The following KCND3 variants were observed in gnomAD, a reference collection of about 807,000 sequenced individuals.
KCND3 encodes potassium voltage-gated channel subfamily D member 3.
KCND3 carries 9 observed loss-of-function variants against 51.1 expected under a neutral mutation model. The ratio of observed to expected loss-of-function variants is 0.18; its 90% CI spans 0.11 to 0.31. The LOEUF (loss-of-function observed/expected upper bound fraction) is 0.31, where lower values mean the gene tolerates loss of function less well. Ranked by LOEUF, KCND3 falls within the 10% of genes least tolerant of loss-of-function variation. The probability of loss-of-function intolerance (pLI) is 1.00; values close to 1 mark genes in which losing one functional copy is unlikely to be tolerated. For synonymous variants in KCND3, 349 were observed against 368.0 expected, an observed-to-expected ratio of 0.95 and a Z score of 0.59; for missense variants, 526 against 903.8, an observed-to-expected ratio of 0.58 and a Z score of 5.36.
intron 2 of KCND3, among the ~76,000 whole-genome samples, chr1:111,940,111 G>T (rs2101883635): frequency 1.6e-5 from 1 of 61,690 alleles, no homozygotes; most frequent in South Asian, 5.3e-4. Context: ...GTTCCTTGTA[G>T]ATTCTGGATA....
chr1:111,786,716 A>G (rs1020653880), intron 3 of KCND3, among the ~76,000 whole-genome samples: 2 of 152,150 alleles, frequency 1.3e-5, no homozygotes, highest in Admixed American at 6.5e-5. Context: ...AAAAATGTCC[A>G]AAGGGGGATA....
intron 2 of KCND3, among the ~76,000 whole-genome samples, chr1:111,876,171 T>A (rs959166854): frequency 1.4e-4 from 22 of 152,260 alleles, no homozygotes; most frequent in African/African-American, 5.3e-4. Flanking sequence ...AGTGAACCAG[T>A]TGCCTATTCC....
At chr1:111,799,895 T>G (rs1665217783) in intron 2 of KCND3, among the ~76,000 whole-genome samples, 1 of 152,218 alleles carries the variant, frequency 6.6e-6, no homozygotes. Flanking sequence ...ACCGGTCTCC[T>G]GTCAATAGGA....
chr1:111,940,073 GTTTTTTTTT>G (rs61088602), intron 2 of KCND3, among the ~76,000 whole-genome samples: 3,614 of 85,614 alleles, frequency 0.042, 225 homozygotes, highest in East Asian at 0.36. Flanking sequence ...CTTTTTGATG[GTTTTTTTTT>G]TTTTTTTTTT....
At chr1:111,803,656 C>T (rs72980131) in intron 2 of KCND3, among the ~76,000 whole-genome samples, 5,460 of 152,158 alleles carry the variant, frequency 0.036, 187 homozygotes, top group African/African-American at 0.084. Context: ...TGAAAGGACA[C>T]GTATGTGGAC....
intron 2 of KCND3, among the ~76,000 whole-genome samples, chr1:111,958,931 G>C (rs967596081): frequency 6.6e-6 from 1 of 152,218 alleles, no homozygotes; most frequent in African/African-American, 2.4e-5. Context: ...ATGTTCTCCA[G>C]CTCTGCCATT....
rs2101441533 is a variant in KCND3, at chr1:111,773,114, A to G, written c.*2963T>C. ...CTAAGGCTACAGTGGAGGATGGAGG[A>G]AAAGGGGATGGTCTAATGGTCTTTT... On this transcript the variant is annotated 3_prime_UTR_variant, in exon 8 of 8. Coordinates refer to ENST00000302127, the MANE Select transcript of KCND3 (RefSeq NM_001378969.1). 1 of 152,284 alleles carries G rather than the reference A, an allele frequency of 6.6e-6. No individual in the cohort carries two copies. The highest frequency in any genetic ancestry group is 1.5e-5 in the Non-Finnish European group (1 of 68,040). The allele number at this position is 152,284 out of a possible 1,614,324, so 9.4% of individuals were successfully genotyped here. A position where few individuals can be genotyped will look rare whatever the true frequency, so the allele number is the denominator to read the frequency against.
At chr1:111,933,834 C>T (rs986665127) in intron 2 of KCND3, among the ~76,000 whole-genome samples, 3 of 152,236 alleles carry the variant, frequency 2.0e-5, no homozygotes, top group Non-Finnish European at 4.4e-5. Context: ...GTTTATCAGT[C>T]ATGGCACAAA....
rs1675026966 is a variant in KCND3, at chr1:111,982,684, C to T, written c.43G>A (p.Ala15Thr). 1.2e-6 allele frequency: 2 copies of T among 1,610,012 alleles called. No homozygotes were observed. The highest frequency in any genetic ancestry group is 1.7e-6 in the Non-Finnish European group (2 of 1,179,728). Residue 15 changes from alanine (A) to threonine (T), a missense_variant, in exon 2 of 8, where the codon GCG becomes ACG. Ala to Thr is a moderately conservative substitution (Grantham distance 58, BLOSUM62 0). Around this residue, in one of 5 missense-constraint regions of KCND3, gnomAD observed 159 missense variants for 262.8 expected, o/e 0.61. Coordinates refer to ENST00000302127, the MANE Select transcript of KCND3 (RefSeq NM_001378969.1). This position sits in a 1 kb window ranked among gnomAD's most constrained non-coding sequence, Gnocchi z 8.5. ...GCCACCGGCATCCACCCGATGGCCGCAGCCCGGGCAAAAGGCAGCCAGGCC... is the reference window on the plus strand; with the variant it reads ...GCCACCGGCATCCACCCGATGGCCGTAGCCCGGGCAAAAGGCAGCCAGGCC... ...VAAWLPFARAAAIGWMPVANC... is the reference protein window; with the variant it reads ...VAAWLPFARATAIGWMPVANC...
At chr1:111,956,202 A>G (rs1223621430) in intron 2 of KCND3, among the ~76,000 whole-genome samples, 1 of 152,062 alleles carries the variant, frequency 6.6e-6, no homozygotes, top group Non-Finnish European at 1.5e-5. Flanking sequence ...GGGAGGCTGC[A>G]CTTGAGCTGA....
intron 2 of KCND3, among the ~76,000 whole-genome samples, chr1:111,974,342 T>G (rs189478888): frequency 4.2e-4 from 63 of 151,414 alleles, no homozygotes; most frequent in Admixed American, 1.5e-3. Context: ...CCAAATAAAT[T>G]TCTGGGGGTC....
At chr1:111,954,041 G>T (rs546392878) in intron 2 of KCND3, among the ~76,000 whole-genome samples, 1 of 152,100 alleles carries the variant, frequency 6.6e-6, no homozygotes, top group Non-Finnish European at 1.5e-5. Context: ...TGTACTCTCC[G>T]CCCTTCCCTG....
At chr1:111,865,536 T>C (rs1289710631) in intron 2 of KCND3, among the ~76,000 whole-genome samples, 2 of 152,174 alleles carry the variant, frequency 1.3e-5, no homozygotes, top group African/African-American at 4.8e-5. Context: ...CCTGGGAAGT[T>C]TTTTGTGTTT....
In KCND3 at chr1:111,910,147, C is replaced by A. The variant is rs547557815; in HGVS notation, c.1106+71474G>T. 1.1e-4 allele frequency: 17 copies of A among 152,382 alleles called. 1 individual carries two copies. The highest frequency in any genetic ancestry group is 3.8e-4 in the African/African-American group (16 of 41,588). 9.4% of individuals were successfully genotyped at this position (152,382 alleles called of 1,614,324 possible). A position where few individuals can be genotyped will look rare whatever the true frequency, so the allele number is the denominator to read the frequency against. The stretch of plus-strand genomic sequence containing the variant: ...GGTGGGAGCAAGCCATTGCCTCCCC[C>A]TCAGAGGACCCAGTGGAGAGAAGGT... On this transcript the variant is annotated intron_variant, in intron 2 of 7. Coordinates refer to ENST00000302127, the MANE Select transcript of KCND3 (RefSeq NM_001378969.1).
At chr1:111,901,812 T>C (rs1268800967) in intron 2 of KCND3, among the ~76,000 whole-genome samples, 1 of 152,118 alleles carries the variant, frequency 6.6e-6, no homozygotes, top group Non-Finnish European at 1.5e-5. Flanking sequence ...GACCCCACCC[T>C]GAAAGCATAA....
chr1:111,820,303 T>C (rs552835044), intron 2 of KCND3, among the ~76,000 whole-genome samples: 1 of 152,348 alleles, frequency 6.6e-6, no homozygotes, highest in South Asian at 2.1e-4. Flanking sequence ...TCAAATGTCA[T>C]TTCAAATGTC....
intron 2 of KCND3, among the ~76,000 whole-genome samples, chr1:111,977,885 C>T (rs1674727671): frequency 1.3e-5 from 2 of 152,184 alleles, no homozygotes; most frequent in African/African-American, 4.8e-5. Context: ...GTTATCCCTT[C>T]CCTCTGTTAA....
intron 2 of KCND3, among the ~76,000 whole-genome samples, chr1:111,819,379 CAA>C (rs780021547): frequency 1.5e-5 from 2 of 129,038 alleles, no homozygotes. Flanking sequence ...GATGTGAAGC[CAA>C]AAAAAAAAAA....
At chr1:111,904,699 C>A (rs568613537) in intron 2 of KCND3, among the ~76,000 whole-genome samples, 1 of 152,322 alleles carries the variant, frequency 6.6e-6, no homozygotes, top group African/African-American at 2.4e-5. Context: ...TTGGTGGCGA[C>A]GGCAAGCTGC....
Sources: gnomAD v4.1 joint callset for allele counts (sites outside exome capture counted in the v4.1 genomes callset) on GRCh38, gnomAD v4.1.1 for gene constraint, gnomAD v4.1.1 regional missense constraint, Gnocchi (gnomAD v3.1) non-coding constraint, MANE v1.5 for transcripts, NCBI Gene and HGNC (gene_info 2026-07-23, HGNC 2026-07-21) for gene names.